The following RPN1 variants were observed in gnomAD, a reference collection of about 807,000 sequenced individuals.
RPN1 encodes dolichyl-diphosphooligosaccharide--protein glycosyltransferase subunit 1.
RPN1 carries 12 observed loss-of-function variants against 55.5 expected under a neutral mutation model. The ratio of observed to expected loss-of-function variants is 0.22; its 90% confidence interval spans 0.14 to 0.35. The LOEUF (loss-of-function observed/expected upper bound fraction) is 0.35, where lower values mean the gene tolerates loss of function less well. RPN1 is among the 10% of genes least tolerant of loss of function. The pLI, the probability that RPN1 is intolerant of heterozygous loss-of-function variation, is 1.00. For missense variants in RPN1, 679 were observed against 761.3 expected, an observed-to-expected ratio of 0.89 and a Z score of 1.27; for synonymous variants, 317 against 305.9, an observed-to-expected ratio of 1.04 and a Z score of -0.38.
chr3:128,643,416 C>T (rs1017234101), intron 2 of RPN1, among the ~76,000 whole-genome samples: 1 of 151,914 alleles, frequency 6.6e-6, no homozygotes, highest in African/African-American at 2.4e-5. Context: ...GTAATCCCCG[C>T]ACTTTGGAAG....
intron 8 of RPN1, among the ~76,000 whole-genome samples, chr3:128,624,185 A>G (rs1375531113): frequency 1.3e-5 from 2 of 152,154 alleles, no homozygotes; most frequent in Admixed American, 1.3e-4. Flanking sequence ...TCCTATCTGC[A>G]TTTGATTATA....
At chr3:128,638,141 C>T (rs2069695197) in intron 2 of RPN1, 36 bp from the exon 3 acceptor site, 1 of 1,510,104 alleles carries the variant, frequency 6.6e-7, no homozygotes, top group Non-Finnish European at 9.1e-7. Flanking sequence ...GTAAGAGAGA[C>T]TGAGGATACT....
chr3:128,648,618 T>A (rs2069787707), intron 1 of RPN1, among the ~76,000 whole-genome samples: 1 of 151,956 alleles, frequency 6.6e-6, no homozygotes, highest in African/African-American at 2.4e-5. Context: ...ACCTCATCAG[T>A]TTCCAACACA....
Position 128,620,978 on chromosome 3 carries a change from C to G in RPN1, c.1642-385G>C, listed in dbSNP as rs138339091. Among the ~76,000 whole-genome samples, 1,505 of 152,264 alleles carry G rather than the reference C, an allele frequency of 9.9e-3. 9 individuals carry two copies. The highest frequency in any genetic ancestry group is 0.044 in the Middle Eastern group (13 of 294). On this transcript the variant is annotated intron_variant, in intron 9 of 9. Coordinates refer to ENST00000296255, the MANE Select transcript of RPN1 (RefSeq NM_002950.4). ...GCTTGTCAAATCAGTTCCAGGGATT[C>G]AATTAGGCAAAAGATCAATGGCAAG...
chr3:128,633,045 TCA>T (rs2069652639), intron 3 of RPN1, among the ~76,000 whole-genome samples: 1 of 152,210 alleles, frequency 6.6e-6, no homozygotes, highest in South Asian at 2.1e-4. Flanking sequence ...GTTTATTCAC[TCA>T]TTCTATGACT....
chr3:128,635,503 G>A (rs1034424433), intron 3 of RPN1, among the ~76,000 whole-genome samples: 9 of 151,296 alleles, frequency 5.9e-5, no homozygotes, highest in South Asian at 2.1e-4. Context: ...GTTTCACCAC[G>A]TTGGCCAGGC....
intron 3 of RPN1, among the ~76,000 whole-genome samples, chr3:128,634,177 A>G (rs2069660932): frequency 6.6e-6 from 1 of 152,050 alleles, no homozygotes; most frequent in Non-Finnish European, 1.5e-5. Flanking sequence ...AAATACAAAA[A>G]TTAGCCAGGC....
chr3:128,640,540 G>A (rs1210274727), intron 2 of RPN1, among the ~76,000 whole-genome samples: 1 of 152,114 alleles, frequency 6.6e-6, no homozygotes, highest in Non-Finnish European at 1.5e-5. Flanking sequence ...TCTCTGTCCT[G>A]AATTCTAAAA....
intron 2 of RPN1, chr3:128,642,400 A>G (rs999678120): frequency 6.6e-6 from 1 of 152,228 alleles, no homozygotes; most frequent in Non-Finnish European, 1.5e-5. Context: ...GATAACACAG[A>G]AAACAAAAAA....
rs2069602556 is a variant in RPN1 at position 128,626,769 on chromosome 3, G to A, written c.1100C>T (p.Ser367Phe). The part of the protein sequence containing the change: ...DHVFDEQVID[S>F]LTVKIILPEG... ...AGGCAGGATGATCTTCACAGTCAGA[G>A]AATCTATCACTTGTTCATCAAACAC... is the stretch of plus-strand genomic sequence containing the variant. Residue 367 changes from serine (S) to phenylalanine (F), a missense_variant, in exon 6 of 10, where the codon TCT (serine) becomes TTT (phenylalanine). Physicochemically the swap from Ser to Phe is radical, Grantham distance 155. Around this residue, in one of 3 missense-constraint regions of RPN1, gnomAD observed 306 missense variants for 360.0 expected, o/e 0.85. Transcript: ENST00000296255. The A allele has an allele frequency of 6.2e-7, 1 of 1,614,174 alleles. No homozygotes were observed. Among genetic ancestry groups the A allele is most frequent in the South Asian group, 1.1e-5 (1 of 91,086 alleles).
chr3:128,620,457 C>T lies in RPN1; in HGVS notation c.1778G>A (p.Arg593His), dbSNP rs1291949937. The T allele has an allele frequency of 6.2e-6, 10 of 1,613,892 alleles. No homozygotes were observed. Among genetic ancestry groups the T allele is most frequent in the African/African-American group, 2.7e-5 (2 of 74,894 alleles). The change falls in exon 10 of 10, where the codon CGC becomes CAC. Residue 593 changes from arginine to histidine, a missense_variant. Transcript: ENST00000296255. ...GTCGATCTTGGTGACCAGCTCCTGG[C>T]GCTTTCCTGAGATGAGCTTCTCATT... ...IENEKLISGK[R>H]QELVTKIDHI...
intron 1 of RPN1, among the ~76,000 whole-genome samples, chr3:128,649,250 A>G (rs1436392968): frequency 3.3e-5 from 5 of 152,214 alleles, no homozygotes; most frequent in Non-Finnish European, 7.3e-5. Context: ...TAAAAACAAG[A>G]TAAAATAAGT....
In RPN1 at chr3:128,650,739, G is replaced by T. The variant is rs750296401; in HGVS notation, c.62C>A (p.Pro21Gln). The change falls in exon 1 of 10, where the codon CCG (proline) becomes CAG (glutamine). Residue 21 changes from proline to glutamine, a missense_variant. By Grantham distance (76) the Pro-to-Gln change is moderately conservative. Transcript: ENST00000296255. Reference sequence around the variant, plus strand: ...CGGTGCCTCGGAGGAGGCGCTGCCCGGCGCCGGGGCCCAAGTCCCAAGCAA... The same window carrying T: ...CGGTGCCTCGGAGGAGGCGCTGCCCTGCGCCGGGGCCCAAGTCCCAAGCAA... ...LLLLGTWAPA[P>Q]GSASSEAPPL... 3 of 1,553,844 alleles carry T rather than the reference G, an allele frequency of 1.9e-6. No individual in the cohort carries two copies. Among genetic ancestry groups the T allele is most frequent in the East Asian group, 2.4e-5 (1 of 41,540 alleles).
intron 4 of RPN1, 102 bp downstream of exon 4, chr3:128,631,846 C>A: frequency 7.6e-7 from 1 of 1,308,278 alleles, no homozygotes; most frequent in Non-Finnish European, 1.1e-6. Flanking sequence ...TCAGTCAACC[C>A]TAAACAACTG....
Position 128,620,206 on chromosome 3 carries a change from CT to C in RPN1, c.*204del, listed in dbSNP as rs113501658. On this transcript the variant is annotated 3_prime_UTR_variant, in exon 10 of 10. Coordinates refer to ENST00000296255, the MANE Select transcript of RPN1 (RefSeq NM_002950.4). ...TTAATGGGAGTTTTTTTAAAGTTTT[CT>C]TTTTTTAAAAAAAAAAAAAAAGAAA... The C allele has an allele frequency of 7.0e-4, 253 of 361,476 alleles. No individual in the cohort carries two copies. Among genetic ancestry groups the C allele is most frequent in the African/African-American group, 1.4e-3 (63 of 45,388 alleles). The allele number at this position is 361,476 out of a possible 1,614,324, so 22.4% of individuals were successfully genotyped here.
Position 128,622,558 on chromosome 3 carries a change from A to G in RPN1, c.1396-149T>C, listed in dbSNP as rs1576791111. On this transcript the variant is annotated intron_variant, in intron 8 of 9. Coordinates refer to ENST00000296255, the MANE Select transcript of RPN1 (RefSeq NM_002950.4). ...CAAAGTCAAACCCCTACTGATACCT[A>G]ATCTGGACCAGGTTCAGCAATGGGC... 1.0e-5 allele frequency: 10 copies of G among 979,236 alleles called. No individual in the cohort carries two copies. In the East Asian group the frequency reaches 2.6e-4, roughly 25 times the overall value. 60.7% of individuals were successfully genotyped at this position (979,236 alleles called of 1,614,324 possible). A position where few individuals can be genotyped will look rare whatever the true frequency, so the allele number is the denominator to read the frequency against.
chr3:128,650,197 G>A (rs1173788663), intron 1 of RPN1, among the ~76,000 whole-genome samples: 1 of 152,230 alleles, frequency 6.6e-6, no homozygotes, highest in Non-Finnish European at 1.5e-5. Flanking sequence ...TCTCCCGAGC[G>A]GTGCCGAGAA....
rs922198636 is a variant in RPN1, at chr3:128,630,229, A to C, written c.844-86T>G. 10 of 823,204 alleles carry C rather than the reference A, an allele frequency of 1.2e-5. No homozygotes were observed. The African/African-American group carries it at 1.7e-4, about 14-fold the overall frequency. The allele number at this position is 823,204 out of a possible 1,614,324, so 51.0% of individuals were successfully genotyped here. On this transcript the variant is annotated intron_variant, in intron 4 of 9. Coordinates refer to ENST00000296255, the MANE Select transcript of RPN1 (RefSeq NM_002950.4). ...TAAACACAGAAGACTTCCTGCACCAAGATCCTCACATGGTACTACTTAATT... is the reference window on the plus strand; with the variant it reads ...TAAACACAGAAGACTTCCTGCACCACGATCCTCACATGGTACTACTTAATT...
intron 8 of RPN1, among the ~76,000 whole-genome samples, chr3:128,624,049 C>G (rs984981052): frequency 2.0e-5 from 3 of 151,982 alleles, no homozygotes; most frequent in East Asian, 1.9e-4. Context: ...CCCGCCCCCC[C>G]GCATCTCCGA....
Sources: allele counts gnomAD v4.1 joint callset (sites outside exome capture counted in the v4.1 genomes callset), GRCh38; gene constraint gnomAD v4.1.1; regional missense constraint gnomAD v4.1.1; transcripts MANE v1.5; gene names NCBI Gene and HGNC (gene_info 2026-07-23, HGNC 2026-07-21).